The following KNG1 variants were observed in gnomAD, a reference collection of about 807,000 sequenced individuals.
KNG1 encodes the protein kininogen-1.
KNG1 carries 23 observed loss-of-function variants against 47.8 expected under a neutral mutation model. That is an observed-to-expected ratio of 0.48 (90% confidence interval 0.35 to 0.68). The LOEUF (loss-of-function observed/expected upper bound fraction) is 0.68, where lower values mean the gene tolerates loss of function less well. KNG1 is among the 30% of genes least tolerant of loss of function. The probability of loss-of-function intolerance (pLI) is 0.01; values close to 1 mark genes in which losing one functional copy is unlikely to be tolerated. For missense variants in KNG1, 762 were observed against 790.2 expected, an observed-to-expected ratio of 0.96 and a Z score of 0.43; for synonymous variants, 277 against 277.0, an observed-to-expected ratio of 1.00 and a Z score of 0.00.
intron 4 of KNG1, among the ~76,000 whole-genome samples, chr3:186,727,029 T>C (rs1190386779): frequency 1.3e-5 from 2 of 151,404 alleles, no homozygotes; most frequent in African/African-American, 4.9e-5. Flanking sequence ...TATGTGTGTG[T>C]GTGTGTGTGT....
At chr3:186,720,040 C>T (rs1720141225) in intron 1 of KNG1, 65 bp from the exon 2 acceptor site, 2 of 964,614 alleles carry the variant, frequency 2.1e-6, no homozygotes, top group Admixed American at 1.7e-5. Flanking sequence ...TTTACCGGAA[C>T]CCACTAGAAT....
At chr3:186,720,654 T>TAATATTG (rs1720165032) in intron 2 of KNG1, 1 of 232,294 alleles carries the variant, frequency 4.3e-6, no homozygotes, top group Non-Finnish European at 8.6e-6. Context: ...ATATGGGAGA[T>TAATATTG]AATATTGACC....
In KNG1 at chr3:186,722,449, T is replaced by A; in HGVS notation, c.319T>A (p.Cys107Ser). 6.2e-7 allele frequency: 1 copy of A among 1,613,512 alleles called. No individual in the cohort carries two copies. Among genetic ancestry groups the A allele is most frequent in the Non-Finnish European group, 8.5e-7 (1 of 1,179,472 alleles). The change falls in exon 3 of 10, where the codon TGC (cysteine) becomes AGC (serine). Residue 107 changes from cysteine to serine, a missense_variant. Cys to Ser is a moderately radical substitution (Grantham distance 112). Transcript: ENST00000644859. ...KDAAKAATGE[C>S]TATVGKRSST... ...CTTTTCTTTTTAGGCCACTGGAGAA[T>A]GCACGGCAACCGTGGGGAAGAGGAG...
intron 2 of KNG1, chr3:186,721,079 A>G (rs1656909): frequency 0.24 from 36,131 of 151,948 alleles, 4,724 homozygotes; most frequent in African/African-American, 0.34. Flanking sequence ...GTGAGCCACC[A>G]CGCCCAGCCA....
At chr3:186,725,310 A>G (rs781154163) in intron 4 of KNG1, 50 bp downstream of exon 4, 59 of 1,547,052 alleles carry the variant, frequency 3.8e-5, no homozygotes, top group Admixed American at 1.0e-4. Context: ...AATTTGTTAG[A>G]TCTTTACATT....
In KNG1 at chr3:186,719,963, A is replaced by G. The variant is rs1720139229; in HGVS notation, c.196-142A>G. On this transcript the variant is annotated intron_variant, in intron 1 of 9. Coordinates refer to ENST00000644859, the MANE Select transcript of KNG1 (RefSeq NM_001102416.3). Reference sequence around the variant, plus strand: ...TAAACATTCTTTCACATAAATGTTTATGATAGAAATATAAATATATTTTAA... The same window carrying G: ...TAAACATTCTTTCACATAAATGTTTGTGATAGAAATATAAATATATTTTAA... 11 of 700,084 alleles carry G rather than the reference A, an allele frequency of 1.6e-5. 1 individual carries two copies. The highest frequency in any genetic ancestry group is 1.4e-4 in the South Asian group (9 of 64,944). 43.4% of individuals were successfully genotyped at this position (700,084 alleles called of 1,614,324 possible).
intron 7 of KNG1, among the ~76,000 whole-genome samples, chr3:186,733,029 C>T (rs919095768): frequency 6.6e-6 from 1 of 152,128 alleles, no homozygotes; most frequent in Non-Finnish European, 1.5e-5. Context: ...GGGTGGATCA[C>T]AAGGTCAAGA....
intron 1 of KNG1, 29 bp from the exon 2 acceptor site, chr3:186,720,076 A>T: frequency 6.9e-7 from 1 of 1,458,872 alleles, no homozygotes; most frequent in Non-Finnish European, 9.6e-7. Flanking sequence ...CAGTTGGATG[A>T]ACCCTAAGTA....
chr3:186,724,755 G>T (rs5030014), intron 3 of KNG1, among the ~76,000 whole-genome samples: 5 of 151,452 alleles, frequency 3.3e-5, no homozygotes, highest in African/African-American at 1.2e-4. Context: ...GAGTGCAGTC[G>T]CATGATCTCG....
intron 2 of KNG1, chr3:186,720,506 G>C: frequency 5.7e-5 from 21 of 367,330 alleles, no homozygotes; most frequent in South Asian, 1.2e-4. Flanking sequence ...TGACATTTGG[G>C]CCAAGCCAAA....
Position 186,743,444 on chromosome 3 carries a change from C to A in KNG1, c.*1113C>A. ...GCAAAGAAGGTATATGCTTTATAAC[C>A]AATGTTGTACTTTTGCCTAGAAAAA... is the stretch of plus-strand genomic sequence containing the variant. On this transcript the variant is annotated 3_prime_UTR_variant, in exon 10 of 10. Transcript: ENST00000644859. 1 of 479,368 alleles carries A rather than the reference C, an allele frequency of 2.1e-6. No homozygotes were observed. Among genetic ancestry groups the A allele is most frequent in the Non-Finnish European group, 3.8e-6 (1 of 261,982 alleles). 29.7% of individuals were successfully genotyped at this position (479,368 alleles called of 1,614,324 possible). A position where few individuals can be genotyped will look rare whatever the true frequency, so the allele number is the denominator to read the frequency against.
At chr3:186,719,891 T>G (rs911699292) in intron 1 of KNG1, among the ~76,000 whole-genome samples, 1 of 152,218 alleles carries the variant, frequency 6.6e-6, no homozygotes, top group Non-Finnish European at 1.5e-5. Context: ...GGGCTAATAC[T>G]ATGCATACTG....
Position 186,742,469 on chromosome 3 carries a change from A to G in KNG1, c.*138A>G. On this transcript the variant is annotated 3_prime_UTR_variant, in exon 10 of 10. Transcript: ENST00000644859. The stretch of plus-strand genomic sequence containing the variant: ...GAACAGTCTAAAGAGAAGTGGTGAG[A>G]CTCCCAGTGGAGACACCATCAGTCT... 6.7e-7 allele frequency: 1 copy of G among 1,493,654 alleles called. No individual in the cohort carries two copies. Among genetic ancestry groups the G allele is most frequent in the East Asian group, 2.5e-5 (1 of 40,604 alleles). The allele number at this position is 1,493,654 out of a possible 1,614,324, so 92.5% of individuals were successfully genotyped here. A position where few individuals can be genotyped will look rare whatever the true frequency, so the allele number is the denominator to read the frequency against.
chr3:186,733,534 C>T (rs1407147573), intron 7 of KNG1, among the ~76,000 whole-genome samples: 1 of 152,142 alleles, frequency 6.6e-6, no homozygotes, highest in Admixed American at 6.5e-5. Flanking sequence ...CAATAGAAGA[C>T]TGACAGGAGT....
At position 186,743,464 on chromosome 3, in the gene KNG1, G is replaced by A; in HGVS notation, c.*1133G>A. On this transcript the variant is annotated 3_prime_UTR_variant, in exon 10 of 10. Transcript: ENST00000644859. ...ATAACCAATGTTGTACTTTTGCCTA[G>A]AAAAACAAGATATGGCTTTAAATAG... 1.9e-6 allele frequency: 1 copy of A among 518,556 alleles called. No individual in the cohort carries two copies. Among genetic ancestry groups the A allele is most frequent in the South Asian group, 2.1e-5 (1 of 48,028 alleles). 32.1% of individuals were successfully genotyped at this position (518,556 alleles called of 1,614,324 possible). A position where few individuals can be genotyped will look rare whatever the true frequency, so the allele number is the denominator to read the frequency against.
intron 4 of KNG1, 148 bp downstream of exon 4, chr3:186,725,408 T>C (rs1211843779): frequency 2.7e-6 from 2 of 738,066 alleles, no homozygotes; most frequent in Non-Finnish European, 4.6e-6. Flanking sequence ...GTGAGTCGGA[T>C]AGTGCAATAT....
rs1295552049 is a variant in KNG1 at position 186,731,625 on chromosome 3, T to C, written c.753T>C (p.Tyr251=). 1 of 1,587,892 alleles carries C rather than the reference T, an allele frequency of 6.3e-7. No individual in the cohort carries two copies. Among genetic ancestry groups the C allele is most frequent in the Non-Finnish European group, 8.7e-7 (1 of 1,156,060 alleles). The change falls in exon 6 of 10, where the codon TAT becomes TAC. Residue 251 remains tyrosine, a synonymous_variant. Coordinates refer to ENST00000644859, the MANE Select transcript of KNG1 (RefSeq NM_001102416.3). ...IASFSQNCDI[Y]PGKDFVQPPT... is the part of the protein sequence containing the mutation. The stretch of plus-strand genomic sequence containing the variant: ...CCTTCTCACAGAACTGTGACATTTA[T>C]CCAGGTAAGGAATAACACATGTTGG...
chr3:186,720,393 C>T, intron 2 of KNG1, 178 bp downstream of exon 2: 2 of 620,954 alleles, frequency 3.2e-6, no homozygotes, highest in Non-Finnish European at 5.8e-6. Context: ...ACAGAAAAAT[C>T]ATGGAGAAGC....
intron 4 of KNG1, 132 bp from the exon 5 acceptor site, chr3:186,727,105 A>T: frequency 1.4e-6 from 1 of 700,460 alleles, no homozygotes; most frequent in Non-Finnish European, 2.5e-6. Flanking sequence ...TTGCCTAGTA[A>T]TAATAATATT....
Sources: allele counts gnomAD v4.1 joint callset (sites outside exome capture counted in the v4.1 genomes callset), GRCh38; gene constraint gnomAD v4.1.1; transcripts MANE v1.5; gene names NCBI Gene and HGNC (gene_info 2026-07-23, HGNC 2026-07-21).